DNAH3: variants seen among roughly 807,000 people sequenced by gnomAD.
DNAH3 encodes the protein axonemal beta dynein heavy chain 3.
Under a neutral mutation model 432.5 loss-of-function variants are expected in DNAH3, and 332 were observed. The ratio of observed to expected loss-of-function variants is 0.77; its 90% confidence interval spans 0.70 to 0.84. The LOEUF (loss-of-function observed/expected upper bound fraction) is 0.84, where lower values mean the gene tolerates loss of function less well. Ranked by LOEUF, DNAH3 falls within the 40% of genes least tolerant of loss-of-function variation. The pLI is 0.00. For synonymous variants in DNAH3, 1,956 were observed against 1,900.2 expected (o/e 1.03, Z -0.76); for missense variants, 4,861 against 5,114.0 (o/e 0.95, Z 1.51).
At chr16:21,135,709 A>G (rs2092632667) in intron 6 of DNAH3, among the ~76,000 whole-genome samples, 1 of 151,900 alleles carries the variant, frequency 6.6e-6, no homozygotes, top group Non-Finnish European at 1.5e-5. Flanking sequence ...CCTGGGCGAC[A>G]GAGCAAGACT....
chr16:21,153,547 T>C (rs992484001), intron 1 of DNAH3, among the ~76,000 whole-genome samples: 2 of 152,152 alleles, frequency 1.3e-5, no homozygotes, highest in Admixed American at 6.5e-5. Context: ...GGGCCAGCAG[T>C]GGCAAGCCGC....
At chr16:21,053,083 T>C (rs2090012992) in intron 28 of DNAH3, among the ~76,000 whole-genome samples, 1 of 152,184 alleles carries the variant, frequency 6.6e-6, no homozygotes, top group South Asian at 2.1e-4. Flanking sequence ...TGGAGAGCTA[T>C]GGAGATCTCA....
exon 53 of DNAH3, chr16:20,963,394 C>T (rs1271302703): frequency 6.2e-7 from 1 of 1,614,156 alleles, no homozygotes; most frequent in South Asian, 1.1e-5. Flanking sequence ...ATACAGCTTT[C>T]CCATATGTTC....
intron 50 of DNAH3, 27 bp downstream of exon 50, chr16:20,979,303 T>C: frequency 6.2e-7 from 1 of 1,611,374 alleles, no homozygotes; most frequent in Non-Finnish European, 8.5e-7. Context: ...GGCCTCTTTG[T>C]CTCTGTTCTG....
intron 53 of DNAH3, among the ~76,000 whole-genome samples, chr16:20,960,586 G>A (rs758569086): frequency 6.6e-6 from 1 of 152,136 alleles, no homozygotes; most frequent in Non-Finnish European, 1.5e-5. Flanking sequence ...CCTGTAGTCC[G>A]AGCTACTCGG....
chr16:20,986,830 A>C (rs1383520349), intron 47 of DNAH3, among the ~76,000 whole-genome samples: 1 of 152,222 alleles, frequency 6.6e-6, no homozygotes, highest in East Asian at 1.9e-4. Flanking sequence ...ACAGCTTCTT[A>C]GCAGTGGAAG....
rs200704909 is a variant in DNAH3, at chr16:21,156,199, T to A, written c.117+3126A>T. On this transcript the variant is annotated intron_variant, in intron 1 of 61. Transcript: ENST00000261383. ...TATTTTATTTTATTTTATTTTATTT[T>A]ATTTATTTTATTTTATTTTATTTTA... is the stretch of plus-strand genomic sequence containing the variant. Among the ~76,000 whole-genome samples, 604 of 81,360 alleles carry A rather than the reference T, an allele frequency of 7.4e-3. 4 individuals carry two copies. Among genetic ancestry groups the A allele is most frequent in the African/African-American group, 0.018 (417 of 23,378 alleles). 53.4% of individuals were successfully genotyped at this position (81,360 alleles called of 152,430 possible). A position where few individuals can be genotyped will look rare whatever the true frequency, so the allele number is the denominator to read the frequency against.
chr16:21,081,834 A>C (rs1597335734), intron 19 of DNAH3, 107 bp from the exon 20 acceptor site: 59 of 803,086 alleles, frequency 7.3e-5, no homozygotes, highest in Middle Eastern at 3.7e-4. Context: ...GCTCAGCATA[A>C]CAGCCACGAG....
chr16:21,046,928 C>T (rs2089725805), intron 31 of DNAH3, among the ~76,000 whole-genome samples: 2 of 151,468 alleles, frequency 1.3e-5, no homozygotes, highest in Non-Finnish European at 3.0e-5. Flanking sequence ...TTCTCCTTCA[C>T]TTATGAAGCT....
In DNAH3 at chr16:21,151,084, G is replaced by A. The variant is rs565074420; in HGVS notation, c.118-4996C>T. ...GACGTCGAAAAGCACAGAGTATGGT[G>A]GTTAAGTTCTTGGGATCTACAATTG... On this transcript the variant is annotated intron_variant, in intron 1 of 61. Transcript: ENST00000261383. 3.9e-5 allele frequency among the ~76,000 whole-genome samples: 6 copies of A among 152,256 alleles called. No individual in the cohort carries two copies. In the East Asian group the frequency reaches 9.7e-4, roughly 24 times the overall value.
chr16:21,127,611 G>C lies in DNAH3; in HGVS notation c.1208+76C>G. On this transcript the variant is annotated intron_variant, in intron 8 of 61. Coordinates refer to ENST00000261383, the Ensembl canonical transcript of DNAH3. ...GCCAGTGGGACAAACCCCAGGCTGG[G>C]TACCAGCTTCATTTCAGAGGGTTTT... 1.9e-6 allele frequency: 3 copies of C among 1,551,010 alleles called. No homozygotes were observed. In the South Asian group the frequency reaches 3.6e-5, roughly 19 times the overall value.
At chr16:20,941,340 C>G in intron 59 of DNAH3, 61 bp downstream of exon 59, 1 of 1,601,900 alleles carries the variant, frequency 6.2e-7, no homozygotes, top group South Asian at 1.1e-5. Flanking sequence ...CAGCTACTGC[C>G]TGTTAGATCC....
intron 59 of DNAH3, 67 bp from the exon 60 acceptor site, chr16:20,936,920 C>A (rs1005202745): frequency 3.1e-5 from 39 of 1,260,464 alleles, no homozygotes; most frequent in Non-Finnish European, 4.1e-5. Context: ...AGTCCACTGA[C>A]TGCTGTCCCC....
intron 37 of DNAH3, among the ~76,000 whole-genome samples, chr16:21,028,216 A>T (rs971622038): frequency 6.6e-6 from 1 of 151,784 alleles, no homozygotes; most frequent in Non-Finnish European, 1.5e-5. Flanking sequence ...ATTTTTTAAA[A>T]TTTTTTTTGT....
At chr16:21,075,914 CAA>C (rs34186982) in intron 20 of DNAH3, among the ~76,000 whole-genome samples, 161 of 52,670 alleles carry the variant, frequency 3.1e-3, no homozygotes, top group African/African-American at 0.01. Flanking sequence ...AACCCTGTCT[CAA>C]AAAAAAAAAA....
intron 12 of DNAH3, among the ~76,000 whole-genome samples, chr16:21,115,143 C>T (rs1233558296): frequency 6.6e-6 from 1 of 151,388 alleles, no homozygotes; most frequent in Non-Finnish European, 1.5e-5. Context: ...ATCACAGGCA[C>T]AAAAAACTGA....
At chr16:21,141,942 C>T (rs1258382764) in intron 3 of DNAH3, among the ~76,000 whole-genome samples, 2 of 152,056 alleles carry the variant, frequency 1.3e-5, no homozygotes, top group Non-Finnish European at 2.9e-5. Flanking sequence ...GACCCAGCTA[C>T]TTGGGAGGCT....
chr16:20,968,895 G>A (rs1398842985), intron 52 of DNAH3, among the ~76,000 whole-genome samples: 1 of 150,190 alleles, frequency 6.7e-6, no homozygotes, highest in Admixed American at 6.7e-5. Context: ...CTCTGTTTCT[G>A]TGTCTCTCTT....
intron 28 of DNAH3, among the ~76,000 whole-genome samples, chr16:21,054,052 T>A (rs953855672): frequency 1.3e-5 from 2 of 152,140 alleles, no homozygotes; most frequent in Non-Finnish European, 2.9e-5. Flanking sequence ...GAAATATCTA[T>A]GAAAATGAGA....
Sources: gnomAD v4.1 joint callset for allele counts (sites outside exome capture counted in the v4.1 genomes callset) on GRCh38, gnomAD v4.1.1 for gene constraint, MANE v1.5 for transcripts, NCBI Gene and HGNC (gene_info 2026-07-23, HGNC 2026-07-21) for gene names.